The following SLC35D2 variants were observed in gnomAD, a reference collection of about 807,000 sequenced individuals.
SLC35D2 encodes solute carrier family 35 member D2.
A neutral mutation model predicts 41.8 loss-of-function variants in SLC35D2; 43 were observed. That is an observed-to-expected ratio of 1.03 (90% CI 0.81 to 1.33). The LOEUF is 1.33. Among genes scored for constraint, SLC35D2 ranks in the 40% most tolerant of loss-of-function variants. The pLI is 0.00. For synonymous variants in SLC35D2, 150 were observed against 163.9 expected, an observed-to-expected ratio of 0.92 and a Z score of 0.65; for missense variants, 380 against 408.4, an observed-to-expected ratio of 0.93 and a Z score of 0.60.
intron 11 of SLC35D2, among the ~76,000 whole-genome samples, chr9:96,315,610 T>A (rs1330755722): frequency 6.6e-6 from 1 of 152,060 alleles, no homozygotes; most frequent in Non-Finnish European, 1.5e-5. Context: ...ATTTTTTGTA[T>A]TTTTAGTAGT....
At chr9:96,324,066 C>T (rs1427826448) in intron 10 of SLC35D2, 25 bp downstream of exon 10, 2 of 1,588,586 alleles carry the variant, frequency 1.3e-6, no homozygotes, top group South Asian at 1.1e-5. Flanking sequence ...CTCAGTTGTT[C>T]CCTTCCAAGT....
At chr9:96,314,457 G>A (rs1329897792) in exon 12 of SLC35D2, 1 of 152,160 alleles carries the variant, frequency 6.6e-6, no homozygotes, top group Non-Finnish European at 1.5e-5. Flanking sequence ...GATGGAGCTA[G>A]AAGCCATTAT....
At position 96,368,433 on chromosome 9, in the gene SLC35D2, TTTAA is replaced by T. The variant is rs1024838006; in HGVS notation, c.159-132_159-129del. 7.6e-6 allele frequency: 6 copies of T among 793,892 alleles called. No homozygotes were observed. The Admixed American group carries it at 1.6e-4, about 21-fold the overall frequency. The allele number at this position is 793,892 out of a possible 1,614,324, so 49.2% of individuals were successfully genotyped here. A position where few individuals can be genotyped will look rare whatever the true frequency, so the allele number is the denominator to read the frequency against. ...AATTTATCAAATTGTTCACTTTTCA[TTTAA>T]TTCTTTTTTTTTTTTCTTTTTAAGA... On this transcript the variant is annotated intron_variant, in intron 1 of 11. Coordinates refer to ENST00000253270, the MANE Select transcript of SLC35D2 (RefSeq NM_007001.3).
chr9:96,356,528 C>T (rs937803935), intron 4 of SLC35D2, among the ~76,000 whole-genome samples: 8 of 147,132 alleles, frequency 5.4e-5, no homozygotes, highest in African/African-American at 2.0e-4. Context: ...AAATTTAATA[C>T]AAAGTTACAA....
Position 96,327,310 on chromosome 9 carries a change from TGCCTGGGTTCAAGTGATCCTCCC to T in SLC35D2, c.753-3164_753-3142del, listed in dbSNP as rs1222860661. 5.9e-5 allele frequency among the ~76,000 whole-genome samples: 9 copies of T among 152,346 alleles called. No individual in the cohort carries two copies. In the East Asian group the frequency reaches 1.7e-3, roughly 29 times the overall value. The stretch of plus-strand genomic sequence containing the variant: ...CTATATTACCCAGGCGGGACATGAA[TGCCTGGGTTCAAGTGATCCTCCC>T]GCCTGTCTTCCAAGTAGCTGGGACT... On this transcript the variant is annotated intron_variant, in intron 9 of 11. Coordinates refer to ENST00000253270, the MANE Select transcript of SLC35D2 (RefSeq NM_007001.3).
intron 1 of SLC35D2, among the ~76,000 whole-genome samples, chr9:96,382,844 G>A (rs1831265920): frequency 6.6e-6 from 1 of 152,298 alleles, no homozygotes; most frequent in Admixed American, 6.5e-5. Context: ...ATTGCTGACT[G>A]TGAGACTGGT....
chr9:96,346,739 C>T (rs768386312), intron 6 of SLC35D2, among the ~76,000 whole-genome samples: 26 of 151,814 alleles, frequency 1.7e-4, no homozygotes, highest in Admixed American at 4.6e-4. Context: ...TTTTGCTTGA[C>T]GCCTCCACAC....
chr9:96,377,663 C>T (rs892529080), intron 1 of SLC35D2, among the ~76,000 whole-genome samples: 1 of 152,162 alleles, frequency 6.6e-6, no homozygotes, highest in Non-Finnish European at 1.5e-5. Flanking sequence ...AGGAGAGGAT[C>T]CTGGCAGCAG....
intron 9 of SLC35D2, among the ~76,000 whole-genome samples, chr9:96,331,508 T>G (rs979868878): frequency 9.2e-5 from 14 of 152,154 alleles, no homozygotes; most frequent in African/African-American, 3.4e-4. Flanking sequence ...TTTTTTTTTC[T>G]TTCCCTCTGC....
At chr9:96,324,976 C>G (rs1828454526) in intron 9 of SLC35D2, among the ~76,000 whole-genome samples, 1 of 152,154 alleles carries the variant, frequency 6.6e-6, no homozygotes. Context: ...TGATCTGTAG[C>G]CAGAGCAGAG....
intron 1 of SLC35D2, among the ~76,000 whole-genome samples, chr9:96,368,932 T>G (rs1333354796): frequency 6.6e-6 from 1 of 151,914 alleles, no homozygotes; most frequent in Non-Finnish European, 1.5e-5. Context: ...GCCCGGTTAA[T>G]TTTTGTATTT....
intron 3 of SLC35D2, among the ~76,000 whole-genome samples, chr9:96,362,870 G>GT (rs534159570): frequency 0.03 from 4,102 of 138,934 alleles, 95 homozygotes; most frequent in African/African-American, 0.061. Context: ...TCCCTGTTTT[G>GT]TTTTTTTTTT....
At chr9:96,319,975 T>C (rs544280622), downstream of SLC35D2, among the ~76,000 whole-genome samples, 4 of 152,328 alleles carry the variant, frequency 2.6e-5, no homozygotes, top group East Asian at 7.7e-4. Context: ...CCGAGTTTAA[T>C]AGTAGAGACA....
chr9:96,334,240 T>A (rs1425187624), intron 9 of SLC35D2, among the ~76,000 whole-genome samples: 1 of 152,038 alleles, frequency 6.6e-6, no homozygotes, highest in Non-Finnish European at 1.5e-5. Flanking sequence ...CCTAAAGGGA[T>A]CAAGGTCTGG....
chr9:96,319,779 C>T (rs1013865388), downstream of SLC35D2, among the ~76,000 whole-genome samples: 17 of 152,212 alleles, frequency 1.1e-4, no homozygotes, highest in African/African-American at 3.4e-4. Context: ...GGATTACAGG[C>T]GTGAACCGCC....
At chr9:96,338,005 A>AAAAAAAAAAAG (rs373089900) in intron 8 of SLC35D2, among the ~76,000 whole-genome samples, 1 of 104,796 alleles carries the variant, frequency 9.5e-6, no homozygotes, top group African/African-American at 4.3e-5. Context: ...AAAAAAAAAA[A>AAAAAAAAAAAG]CTCAATTTCT....
intron 1 of SLC35D2, among the ~76,000 whole-genome samples, chr9:96,376,229 A>T (rs1007194228): frequency 5.6e-5 from 8 of 141,958 alleles, no homozygotes; most frequent in East Asian, 2.2e-4. Context: ...CGGGAGGTGG[A>T]GGTTGCAGTG....
At chr9:96,355,196 T>G (rs1829970695) in intron 4 of SLC35D2, among the ~76,000 whole-genome samples, 1 of 151,910 alleles carries the variant, frequency 6.6e-6, no homozygotes, top group Non-Finnish European at 1.5e-5. Flanking sequence ...TTTTGTATTT[T>G]TAGTATAGAT....
At chr9:96,333,512 G>A (rs567650806) in intron 9 of SLC35D2, among the ~76,000 whole-genome samples, 3 of 150,930 alleles carry the variant, frequency 2.0e-5, no homozygotes, top group Admixed American at 6.6e-5. Flanking sequence ...GGAGAATGGC[G>A]TGAACTCAGG....
Sources: allele counts gnomAD v4.1 joint callset (sites outside exome capture counted in the v4.1 genomes callset), GRCh38; gene constraint gnomAD v4.1.1; transcripts MANE v1.5; gene names NCBI Gene and HGNC (gene_info 2026-07-23, HGNC 2026-07-21).